Variants in CRYBG1 observed in about 807,000 individuals in gnomAD.
CRYBG1 encodes crystallin beta-gamma domain containing 1.
In CRYBG1, 139 loss-of-function variants were observed where a neutral mutation model predicts 189.2. The observed-to-expected ratio is 0.73, with a 90% CI of 0.64 to 0.85. The LOEUF is 0.85. Among genes scored for constraint, CRYBG1 ranks in the 40% least tolerant of loss-of-function variants. The pLI, the probability that CRYBG1 is intolerant of heterozygous loss-of-function variation, is 0.00. For synonymous variants in CRYBG1, 1,023 were observed against 1,017.1 expected, an observed-to-expected ratio of 1.01 and a Z score of -0.11; for missense variants, 2,611 against 2,675.8, an observed-to-expected ratio of 0.98 and a Z score of 0.53.
intron 1 of CRYBG1, among the ~76,000 whole-genome samples, chr6:106,433,870 A>G (rs1292917936): frequency 6.6e-6 from 1 of 151,160 alleles, no homozygotes; most frequent in African/African-American, 2.4e-5. Flanking sequence ...TTCTATTGCC[A>G]TGTAACAAAT....
chr6:106,548,297 T>G (rs958205644), intron 13 of CRYBG1, among the ~76,000 whole-genome samples: 1 of 151,606 alleles, frequency 6.6e-6, no homozygotes, highest in East Asian at 1.9e-4. Context: ...CCTCCCCCAC[T>G]CCCCCCATTC....
chr6:106,553,034 G>A (rs1334110937), intron 15 of CRYBG1, among the ~76,000 whole-genome samples: 1 of 152,138 alleles, frequency 6.6e-6, no homozygotes, highest in Non-Finnish European at 1.5e-5. Context: ...CTCCTTTATT[G>A]GCATTCACAG....
intron 2 of CRYBG1, among the ~76,000 whole-genome samples, chr6:106,484,617 G>A (rs1226838564): frequency 1.3e-5 from 2 of 152,122 alleles, no homozygotes; most frequent in Non-Finnish European, 2.9e-5. Context: ...ACAGCACCTG[G>A]CCCAGCTTTG....
intron 2 of CRYBG1, among the ~76,000 whole-genome samples, chr6:106,471,646 G>A (rs962520333): frequency 2.6e-5 from 4 of 152,088 alleles, no homozygotes; most frequent in Non-Finnish European, 4.4e-5. Context: ...GCAGGCTGCA[G>A]CACTAACAAC....
At chr6:106,459,259 TAAAC>T (rs1407074396) in intron 2 of CRYBG1, among the ~76,000 whole-genome samples, 1 of 152,182 alleles carries the variant, frequency 6.6e-6, no homozygotes, top group Non-Finnish European at 1.5e-5. Context: ...TATGTATAAA[TAAAC>T]ATATAAATAT....
In CRYBG1 at chr6:106,519,548, G is replaced by A. The variant is rs780383733; in HGVS notation, c.2340G>A (p.Gln780=). Residue 780 remains glutamine (Q), a synonymous_variant, in exon 4 of 22, where the codon CAG becomes CAA. Coordinates refer to ENST00000633556, the MANE Select transcript of CRYBG1 (RefSeq NM_001371242.2). ...DSSENQALGP[Q]PNQDDKADVQ... is the part of the protein sequence containing the mutation. The stretch of plus-strand genomic sequence containing the variant: ...CTGAGAATCAAGCTCTTGGTCCTCA[G>A]CCTAACCAAGATGATAAAGCAGATG... 9.9e-6 allele frequency: 16 copies of A among 1,614,042 alleles called. No individual in the cohort carries two copies. Among genetic ancestry groups the A allele is most frequent in the African/African-American group, 1.3e-5 (1 of 74,926 alleles).
Position 106,371,554 on chromosome 6 carries a change from A to C in CRYBG1, c.173+10473A>C, listed in dbSNP as rs569174786. On this transcript the variant is annotated intron_variant, in intron 1 of 21. Coordinates refer to ENST00000633556, the MANE Select transcript of CRYBG1 (RefSeq NM_001371242.2). Reference sequence around the variant, plus strand: ...AGTTACTGCAAGGGTGGGATTACCGAACTATTCTCTTTTGTATTGGCTATC... The same window carrying C: ...AGTTACTGCAAGGGTGGGATTACCGCACTATTCTCTTTTGTATTGGCTATC... 3.3e-5 allele frequency among the ~76,000 whole-genome samples: 5 copies of C among 152,328 alleles called. 1 individual carries two copies. The South Asian group carries it at 1.0e-3, about 32-fold the overall frequency.
At chr6:106,551,254 T>A (rs1774397943) in intron 13 of CRYBG1, among the ~76,000 whole-genome samples, 1 of 152,274 alleles carries the variant, frequency 6.6e-6, no homozygotes, top group South Asian at 2.1e-4. Context: ...TTCTTGCTCA[T>A]AAATATTTGG....
intron 2 of CRYBG1, among the ~76,000 whole-genome samples, chr6:106,487,679 C>CT (rs2114488608): frequency 6.6e-6 from 1 of 152,034 alleles, no homozygotes; most frequent in African/African-American, 2.4e-5. Context: ...TGATATCTAT[C>CT]TTTTTGTTGA....
chr6:106,440,674 G>T (rs1396112521), intron 1 of CRYBG1, among the ~76,000 whole-genome samples: 1 of 152,070 alleles, frequency 6.6e-6, no homozygotes, highest in African/African-American at 2.4e-5. Context: ...TGATGCATTT[G>T]TGTGACGGAA....
Position 106,525,321 on chromosome 6 carries a change from T to C in CRYBG1, c.4347T>C (p.Ser1449=), listed in dbSNP as rs1773715228. Residue 1449 remains serine (S), a synonymous_variant, in exon 6 of 22, where the codon AGT becomes AGC. Transcript: ENST00000633556. ...DVSEKCIEVF[S]DIQDCSSWSL... ...CTGAGAAGTGCATTGAAGTTTTCAG[T>C]GACATTCAGGATTGCAGTTCTTGGA... 1 of 1,614,060 alleles carries C rather than the reference T, an allele frequency of 6.2e-7. No homozygotes were observed. The highest frequency in any genetic ancestry group is 8.5e-7 in the Non-Finnish European group (1 of 1,180,018).
At chr6:106,491,169 C>T (rs548816819) in intron 2 of CRYBG1, among the ~76,000 whole-genome samples, 125 of 152,268 alleles carry the variant, frequency 8.2e-4, no homozygotes, top group African/African-American at 2.9e-3. Context: ...GCAGTTATTG[C>T]GTATGCTTAT....
chr6:106,464,860 A>G (rs544755487), intron 2 of CRYBG1, among the ~76,000 whole-genome samples: 230 of 152,364 alleles, frequency 1.5e-3, no homozygotes, highest in African/African-American at 5.4e-3. Flanking sequence ...CAAAATATTG[A>G]ATTTGTTCAG....
chr6:106,512,454 CGGTGTTCGACGACGA>C lies in CRYBG1; in HGVS notation c.1342_1356del (p.Phe448_Val452del), dbSNP rs1394741299. The stretch of plus-strand genomic sequence containing the variant: ...CCTGAGAGCGCTGCCAGGGACGACG[CGGTGTTCGACGACGA>C]GGTGGCGCCAAACGCGGCCAGCGAT... On this transcript the variant is annotated inframe_deletion, in exon 3 of 22. Transcript: ENST00000633556. 18 of 1,610,710 alleles carry C rather than the reference CGGTGTTCGACGACGA, an allele frequency of 1.1e-5. No individual in the cohort carries two copies. The highest frequency in any genetic ancestry group is 1.4e-5 in the Non-Finnish European group (17 of 1,179,044).
intron 1 of CRYBG1, among the ~76,000 whole-genome samples, chr6:106,377,127 C>T (rs1770181345): frequency 6.6e-6 from 1 of 152,140 alleles, no homozygotes; most frequent in Admixed American, 6.5e-5. Context: ...GTTTCATTTC[C>T]CTTTTCAACC....
At chr6:106,381,559 A>G (rs1464649409) in intron 1 of CRYBG1, among the ~76,000 whole-genome samples, 1 of 152,248 alleles carries the variant, frequency 6.6e-6, no homozygotes, top group Non-Finnish European at 1.5e-5. Flanking sequence ...AATTTAGGAA[A>G]TACCTGTGGG....
chr6:106,539,703 T>TA (rs11366105), intron 9 of CRYBG1, among the ~76,000 whole-genome samples, 174 bp downstream of exon 9: 17 of 143,230 alleles, frequency 1.2e-4, no homozygotes, highest in African/African-American at 2.8e-4. Context: ...TGCTATAGAT[T>TA]AAAAAAAAAA....
At chr6:106,417,489 G>A (rs1401593964) in intron 1 of CRYBG1, among the ~76,000 whole-genome samples, 1 of 152,196 alleles carries the variant, frequency 6.6e-6, no homozygotes, top group Non-Finnish European at 1.5e-5. Context: ...TGTCCCCACA[G>A]ATTACCACCG....
chr6:106,528,971 T>A lies in CRYBG1; in HGVS notation c.4579-1205T>A, dbSNP rs1773815144. 2.0e-5 allele frequency among the ~76,000 whole-genome samples: 3 copies of A among 151,276 alleles called. 1 individual carries two copies. The South Asian group carries it at 6.3e-4, about 32-fold the overall frequency. On this transcript the variant is annotated intron_variant, in intron 7 of 21. Coordinates refer to ENST00000633556, the MANE Select transcript of CRYBG1 (RefSeq NM_001371242.2). ...TTTCTTTTTTTTTTTTTTGAGACAG[T>A]CTTGCTCTGTCGCCCAGGCTGGAGT...
Sources: allele counts gnomAD v4.1 joint callset (sites outside exome capture counted in the v4.1 genomes callset), GRCh38; gene constraint gnomAD v4.1.1; transcripts MANE v1.5; gene names NCBI Gene and HGNC (gene_info 2026-07-23, HGNC 2026-07-21).